The following CEACAM5 variants were observed in gnomAD, a reference collection of about 807,000 sequenced individuals.
CEACAM5 encodes cell adhesion molecule CEACAM5.
A neutral mutation model predicts 63.0 loss-of-function variants in CEACAM5; 52 were observed. The observed-to-expected ratio is 0.83, with a 90% confidence interval of 0.66 to 1.04. The LOEUF is 1.04. Among genes scored for constraint, CEACAM5 ranks in the 50% least tolerant of loss-of-function variants. The pLI, the probability that CEACAM5 is intolerant of heterozygous loss-of-function variation, is 0.00. For synonymous variants in CEACAM5, 357 were observed against 351.3 expected, an observed-to-expected ratio of 1.02 and a Z score of -0.18; for missense variants, 790 against 864.8, an observed-to-expected ratio of 0.91 and a Z score of 1.08.
rs137884611 is a variant in CEACAM5, at chr19:41,709,845, G to A, written c.230G>A (p.Arg77His). The A allele has an allele frequency of 3.5e-5, 56 of 1,613,984 alleles. No homozygotes were observed. The African/African-American group carries it at 4.8e-4, about 14-fold the overall frequency. The change falls in exon 2 of 10, where the codon CGT becomes CAT. Residue 77 changes from arginine (R) to histidine (H), a missense_variant. Physicochemically the swap from Arg to His is conservative, Grantham distance 29 (BLOSUM62 0). Transcript: ENST00000221992. ...WYKGERVDGN[R>H]QIIGYVIGTQ... is the part of the protein sequence containing the mutation. ...AAAGGTGAAAGAGTGGATGGCAACC[G>A]TCAAATTATAGGATATGTAATAGGA...
At chr19:41,711,445 C>G (rs1456887765) in intron 2 of CEACAM5, among the ~76,000 whole-genome samples, 1 of 152,188 alleles carries the variant, frequency 6.6e-6, no homozygotes, top group East Asian at 1.9e-4. Flanking sequence ...AAGGAATGAT[C>G]CATAACCTCT....
chr19:41,718,359 C>T lies in CEACAM5; in HGVS notation c.1469C>T (p.Thr490Ile), dbSNP rs2072562535. ...TCAGCCAGTGGCCACAGCAGGACTA[C>T]AGTCAAGACAATCACAGTCTCTGGT... ...NNSASGHSRT[T>I]VKTITVSAEL... is the part of the protein sequence containing the mutation. The change falls in exon 6 of 10, where the codon ACA becomes ATA. Residue 490 changes from threonine (T) to isoleucine (I), a missense_variant. Transcript: ENST00000221992. 2.5e-6 allele frequency: 4 copies of T among 1,614,178 alleles called. No individual in the cohort carries two copies. The highest frequency in any genetic ancestry group is 1.3e-5 in the African/African-American group (1 of 75,036).
chr19:41,728,937 A>T (rs1193214684), intron 9 of CEACAM5, among the ~76,000 whole-genome samples: 1 of 152,248 alleles, frequency 6.6e-6, no homozygotes, highest in Non-Finnish European at 1.5e-5. Flanking sequence ...CTTATTTGAT[A>T]TGTTAAATTA....
chr19:41,714,932 G>A (rs1397092985), intron 2 of CEACAM5, 39 bp from the exon 3 acceptor site: 2 of 1,612,914 alleles, frequency 1.2e-6, no homozygotes, highest in Non-Finnish European at 1.7e-6. Flanking sequence ...GGAATCAAAG[G>A]TGCCACACAG....
chr19:41,725,702 T>C (rs547619303), intron 8 of CEACAM5, among the ~76,000 whole-genome samples: 3 of 152,356 alleles, frequency 2.0e-5, no homozygotes, highest in African/African-American at 4.8e-5. Context: ...AATTTGAATC[T>C]TCTCTCTTTT....
chr19:41,729,909 G>C lies in CEACAM5; in HGVS notation c.*762G>C, dbSNP rs2072748435. On this transcript the variant is annotated 3_prime_UTR_variant, in exon 10 of 10. Coordinates refer to ENST00000221992, the MANE Select transcript of CEACAM5 (RefSeq NM_004363.6). ...TATTGCACAAGTTCAATAAAAATCT[G>C]CTCTTTGTATGACAGAATACATTTG... 1 of 152,130 alleles carries C rather than the reference G, an allele frequency of 6.6e-6. No individual in the cohort carries two copies. The highest frequency in any genetic ancestry group is 1.5e-5 in the Non-Finnish European group (1 of 68,032). The allele number at this position is 152,130 out of a possible 1,614,324, so 9.4% of individuals were successfully genotyped here. A position where few individuals can be genotyped will look rare whatever the true frequency, so the allele number is the denominator to read the frequency against.
rs1206646628 is a variant in CEACAM5, at chr19:41,730,216, C to A, written c.*1069C>A. On this transcript the variant is annotated 3_prime_UTR_variant, in exon 10 of 10. Coordinates refer to ENST00000221992, the MANE Select transcript of CEACAM5 (RefSeq NM_004363.6). ...CGGGCGGATCACGAGGTCAGGAGAT[C>A]CAGACCATCCTGGCTAACACAGTGA... 2.0e-5 allele frequency among the ~76,000 whole-genome samples: 3 copies of A among 152,022 alleles called. No individual in the cohort carries two copies. Among genetic ancestry groups the A allele is most frequent in the Non-Finnish European group, 4.4e-5 (3 of 67,990 alleles).
chr19:41,709,705 G>A lies in CEACAM5; in HGVS notation c.90G>A (p.Pro30=), dbSNP rs782313866. The A allele has an allele frequency of 2.5e-5, 40 of 1,613,708 alleles. No individual in the cohort carries two copies. Among genetic ancestry groups the A allele is most frequent in the Middle Eastern group, 3.3e-4 (2 of 6,082 alleles). ...CCTCACTTCTAACCTTCTGGAACCC[G>A]CCCACCACTGCCAAGCTCACTATTG... ...LTASLLTFWN[P]PTTAKLTIES... The change falls in exon 2 of 10, where the codon CCG becomes CCA. Residue 30 remains proline (P), a synonymous_variant. Coordinates refer to ENST00000221992, the MANE Select transcript of CEACAM5 (RefSeq NM_004363.6).
intron 2 of CEACAM5, among the ~76,000 whole-genome samples, chr19:41,712,680 G>C (rs1219033274): frequency 3.3e-5 from 5 of 152,140 alleles, no homozygotes; most frequent in Non-Finnish European, 7.4e-5. Flanking sequence ...ACCACTTTCA[G>C]CATCTTCCTT....
Position 41,718,194 on chromosome 19 carries a change from TCTC to T in CEACAM5, c.1307_1309del (p.Ser436del). 1 of 1,614,134 alleles carries T rather than the reference TCTC, an allele frequency of 6.2e-7. No homozygotes were observed. Among genetic ancestry groups the T allele is most frequent in the Non-Finnish European group, 8.5e-7 (1 of 1,180,022 alleles). ...TACCGTCCAGGGGTGAACCTCAGCC[TCTC>T]CTGCCATGCAGCCTCTAACCCACCT... On this transcript the variant is annotated inframe_deletion, in exon 6 of 10. Coordinates refer to ENST00000221992, the MANE Select transcript of CEACAM5 (RefSeq NM_004363.6).
chr19:41,726,569 G>A (rs1243387024), intron 8 of CEACAM5, among the ~76,000 whole-genome samples: 1 of 152,158 alleles, frequency 6.6e-6, no homozygotes, highest in Non-Finnish European at 1.5e-5. Context: ...TTACCGGGGG[G>A]AACCACCATG....
chr19:41,727,475 C>A, intron 9 of CEACAM5, 123 bp downstream of exon 9: 1 of 661,936 alleles, frequency 1.5e-6, no homozygotes, highest in East Asian at 2.5e-5. Flanking sequence ...CCCCAAGCTC[C>A]TGCTTCTCAG....
Position 41,720,145 on chromosome 19 carries a change from G to A in CEACAM5, c.1708G>A (p.Val570Ile). The A allele has an allele frequency of 1.2e-6, 2 of 1,614,254 alleles. No homozygotes were observed. The highest frequency in any genetic ancestry group is 1.3e-5 in the African/African-American group (1 of 75,062). The change falls in exon 7 of 10, where the codon GTA (valine) becomes ATA (isoleucine). Residue 570 changes from valine (V) to isoleucine (I), a missense_variant. Coordinates refer to ENST00000221992, the MANE Select transcript of CEACAM5 (RefSeq NM_004363.6). ...CACAAGAAATGACGCAAGAGCCTAT[G>A]TATGTGGAATCCAGAACTCAGTGAG... Reference protein sequence around the residue: ...NVTRNDARAYVCGIQNSVSAN... With the variant: ...NVTRNDARAYICGIQNSVSAN...
intron 8 of CEACAM5, among the ~76,000 whole-genome samples, chr19:41,726,578 T>A (rs909933746): frequency 2.2e-4 from 33 of 152,080 alleles, no homozygotes; most frequent in Admixed American, 2.1e-3. Flanking sequence ...GGAACCACCA[T>A]GAGGAAAAGT....
Position 41,715,262 on chromosome 19 carries a change from G to C in CEACAM5, c.703+13G>C, listed in dbSNP as rs2072503529. 1 of 1,614,180 alleles carries C rather than the reference G, an allele frequency of 6.2e-7. No individual in the cohort carries two copies. Among genetic ancestry groups the C allele is most frequent in the South Asian group, 1.1e-5 (1 of 91,086 alleles). ...CTGAATGTCCTCTGTGAGTATATCTGCTCCTCTCTGGCCCAGGCTGCCAGC... is the reference window on the plus strand; with the variant it reads ...CTGAATGTCCTCTGTGAGTATATCTCCTCCTCTCTGGCCCAGGCTGCCAGC... On this transcript the variant is annotated intron_variant, in intron 3 of 9. Coordinates refer to ENST00000221992, the MANE Select transcript of CEACAM5 (RefSeq NM_004363.6).
chr19:41,720,456 C>T (rs968677898), intron 7 of CEACAM5, among the ~76,000 whole-genome samples: 6 of 150,744 alleles, frequency 4.0e-5, no homozygotes, highest in Non-Finnish European at 8.8e-5. Context: ...AACAGATGAA[C>T]GTCTCAGACC....
At chr19:41,723,134 G>A (rs1388037471) in intron 8 of CEACAM5, among the ~76,000 whole-genome samples, 2 of 151,818 alleles carry the variant, frequency 1.3e-5, no homozygotes, top group East Asian at 1.9e-4. Flanking sequence ...GGATGGTCTC[G>A]ATCTCCTGAC....
chr19:41,716,012 A>G (rs1340213756), intron 4 of CEACAM5, 108 bp downstream of exon 4: 2 of 1,296,708 alleles, frequency 1.5e-6, no homozygotes, highest in Non-Finnish European at 2.2e-6. Context: ...TCCAGTGGGC[A>G]CAAGCAAATC....
chr19:41,710,087 T>A (rs1314938609), intron 2 of CEACAM5, 48 bp downstream of exon 2: 2 of 1,574,578 alleles, frequency 1.3e-6, no homozygotes, highest in Admixed American at 1.8e-5. Context: ...CAGTTCTACT[T>A]CCCACACACA....
Sources: gnomAD v4.1 joint callset for allele counts (sites outside exome capture counted in the v4.1 genomes callset) on GRCh38, gnomAD v4.1.1 for gene constraint, MANE v1.5 for transcripts, NCBI Gene and HGNC (gene_info 2026-07-23, HGNC 2026-07-21) for gene names.